CHODL: variants seen among roughly 807,000 people sequenced by gnomAD.
The protein encoded by CHODL is transmembrane protein MT75.
CHODL carries 29 observed loss-of-function variants against 34.5 expected under a neutral mutation model. That is an observed-to-expected ratio of 0.84 (90% CI 0.63 to 1.15). The LOEUF (loss-of-function observed/expected upper bound fraction) is 1.15. CHODL is among the 50% of genes most tolerant of loss of function. The pLI is 0.00. For missense variants in CHODL, 332 were observed against 332.5 expected, an observed-to-expected ratio of 1.00 and a Z score of 0.01; for synonymous variants, 125 against 116.1, an observed-to-expected ratio of 1.08 and a Z score of -0.49.
chr21:18,238,218 T>C (rs1308400415), intron 2 of CHODL, among the ~76,000 whole-genome samples: 1 of 152,034 alleles, frequency 6.6e-6, no homozygotes, highest in Non-Finnish European at 1.5e-5. Flanking sequence ...GAATAAGCCA[T>C]GTAAACTGAT....
chr21:18,178,929 T>C (rs1158763044), intron 2 of CHODL, among the ~76,000 whole-genome samples: 1 of 152,206 alleles, frequency 6.6e-6, no homozygotes, highest in Non-Finnish European at 1.5e-5. Context: ...ATACCCTATT[T>C]GTTTACTATG....
chr21:17,962,005 G>C (rs1320482072), intron 1 of CHODL, among the ~76,000 whole-genome samples: 1 of 152,172 alleles, frequency 6.6e-6, no homozygotes, highest in Non-Finnish European at 1.5e-5. Flanking sequence ...ATTTCATGAA[G>C]AGAAGTTTCT....
intron 2 of CHODL, among the ~76,000 whole-genome samples, chr21:18,184,998 C>T (rs2073423885): frequency 6.6e-6 from 1 of 152,090 alleles, no homozygotes; most frequent in Non-Finnish European, 1.5e-5. Flanking sequence ...AACAACTTGT[C>T]TCTCTCTTTT....
intron 2 of CHODL, among the ~76,000 whole-genome samples, chr21:18,068,747 T>G (rs573638903): frequency 3.3e-5 from 5 of 152,282 alleles, no homozygotes; most frequent in African/African-American, 1.2e-4. Flanking sequence ...TTTGCTTAAT[T>G]GGCTAGCTCT....
chr21:18,107,377 G>C (rs1191977012), intron 2 of CHODL, among the ~76,000 whole-genome samples: 1 of 152,158 alleles, frequency 6.6e-6, no homozygotes, highest in African/African-American at 2.4e-5. Flanking sequence ...GAAGCATTCT[G>C]CTTTTCCCTT....
intron 2 of CHODL, among the ~76,000 whole-genome samples, chr21:18,231,603 A>AT (rs1449271569): frequency 6.6e-6 from 1 of 152,128 alleles, no homozygotes; most frequent in East Asian, 1.9e-4. Flanking sequence ...TATCTGATAC[A>AT]TACCTTTTCA....
chr21:18,230,042 C>G (rs903299050), intron 2 of CHODL, among the ~76,000 whole-genome samples: 5 of 151,968 alleles, frequency 3.3e-5, no homozygotes, highest in Admixed American at 2.6e-4. Flanking sequence ...AATTTTTTTG[C>G]GCAGTCATAC....
At chr21:18,075,468 G>C (rs2064853339) in intron 2 of CHODL, among the ~76,000 whole-genome samples, 2 of 152,062 alleles carry the variant, frequency 1.3e-5, no homozygotes, top group African/African-American at 4.8e-5. Context: ...AGACACTCTT[G>C]GATTGACCCT....
At chr21:18,245,413 G>A in intron 1 of CHODL, 111 bp downstream of exon 1, 1 of 822,076 alleles carries the variant, frequency 1.2e-6, no homozygotes, top group Non-Finnish European at 1.8e-6. Context: ...AACCTGCATG[G>A]TGTAAGGACC....
At chr21:18,010,449 T>C (rs1275083760) in intron 1 of CHODL, among the ~76,000 whole-genome samples, 1 of 152,092 alleles carries the variant, frequency 6.6e-6, no homozygotes, top group Non-Finnish European at 1.5e-5. Context: ...TCTTGACAAA[T>C]TATCACAGCA....
At position 18,064,211 on chromosome 21, in the gene CHODL, A is replaced by G. The variant is rs542435061; in HGVS notation, c.-45+36240A>G. Among the ~76,000 whole-genome samples, 6 of 141,940 alleles carry G rather than the reference A, an allele frequency of 4.2e-5. No homozygotes were observed. The South Asian group carries it at 1.1e-3, about 27-fold the overall frequency. The allele number at this position is 141,940 out of a possible 152,430, so 93.1% of individuals were successfully genotyped here. ...TCTCTCCCATGTCATAGCCATTTCA[A>G]TTGTGTCATACCCATTTCAATTGTG... is the stretch of plus-strand genomic sequence containing the variant. On this transcript the variant is annotated intron_variant, in intron 2 of 6. Coordinates refer to the CHODL transcript ENST00000400127.
At chr21:18,169,187 A>G (rs1034687091) in intron 2 of CHODL, among the ~76,000 whole-genome samples, 5 of 152,020 alleles carry the variant, frequency 3.3e-5, no homozygotes, top group Non-Finnish European at 7.4e-5. Flanking sequence ...TACTAATTTA[A>G]TCCTTACTTG....
chr21:17,958,841 T>C (rs1233957456), intron 1 of CHODL, among the ~76,000 whole-genome samples: 3 of 152,138 alleles, frequency 2.0e-5, no homozygotes, highest in African/African-American at 7.2e-5. Context: ...CAATGCAAAC[T>C]TGATGGCCCT....
intron 2 of CHODL, among the ~76,000 whole-genome samples, chr21:18,052,520 C>T (rs1028120896): frequency 5.3e-5 from 8 of 151,968 alleles, no homozygotes; most frequent in African/African-American, 1.4e-4. Flanking sequence ...TAAGTCTGTA[C>T]TTTGTTAGAA....
chr21:17,945,704 A>T (rs2063401630), intron 1 of CHODL, among the ~76,000 whole-genome samples: 1 of 152,218 alleles, frequency 6.6e-6, no homozygotes, highest in Non-Finnish European at 1.5e-5. Context: ...GATGGCTAAA[A>T]TTTTCCTAAT....
intron 2 of CHODL, among the ~76,000 whole-genome samples, chr21:18,179,663 C>T (rs140335112): frequency 1.3e-5 from 2 of 152,150 alleles, no homozygotes; most frequent in Non-Finnish European, 2.9e-5. Context: ...TTTCTTTTTC[C>T]TCCACTCTCC....
intron 2 of CHODL, among the ~76,000 whole-genome samples, chr21:18,107,457 G>A (rs1386419465): frequency 6.6e-6 from 1 of 152,172 alleles, no homozygotes; most frequent in East Asian, 1.9e-4. Context: ...CAACTCAGTG[G>A]CAACTATACC....
chr21:18,000,593 A>G (rs1199896281), intron 1 of CHODL, among the ~76,000 whole-genome samples: 1 of 152,124 alleles, frequency 6.6e-6, no homozygotes, highest in Non-Finnish European at 1.5e-5. Context: ...TTACCATGAC[A>G]TTGTTTAAAT....
At chr21:17,934,107 C>CG (rs2063299880) in intron 1 of CHODL, among the ~76,000 whole-genome samples, 2 of 150,802 alleles carry the variant, frequency 1.3e-5, no homozygotes, top group African/African-American at 4.9e-5. Context: ...GAGTGAGGGT[C>CG]GAAAAATTAC....
Sources: gnomAD v4.1 joint callset for allele counts (sites outside exome capture counted in the v4.1 genomes callset) on GRCh38, gnomAD v4.1.1 for gene constraint, MANE v1.5 for transcripts, NCBI Gene and HGNC (gene_info 2026-07-23, HGNC 2026-07-21) for gene names.